Variants in USPL1 observed in about 807,000 individuals in gnomAD.
The protein encoded by USPL1 is ubiquitin specific peptidase like 1.
Under a neutral mutation model 51.5 loss-of-function variants are expected in USPL1, and 27 were observed. The observed-to-expected ratio is 0.52, with a 90% confidence interval of 0.39 to 0.72. The LOEUF (loss-of-function observed/expected upper bound fraction) is 0.72, where lower values mean the gene tolerates loss of function less well. USPL1 is among the 30% of genes least tolerant of loss of function. The pLI is 0.00. For missense variants in USPL1, 1,226 were observed against 1,268.0 expected (o/e 0.97, Z 0.50); for synonymous variants, 451 against 459.6 (o/e 0.98, Z 0.24).
intron 5 of USPL1, among the ~76,000 whole-genome samples, chr13:30,639,828 C>T (rs1443908721): frequency 1.3e-5 from 2 of 152,304 alleles, no homozygotes; most frequent in East Asian, 3.9e-4. Context: ...CTCCCTACTT[C>T]AGTTCCCAGT....
In USPL1 at chr13:30,646,939, A is replaced by G; in HGVS notation, c.1120A>G (p.Lys374Glu). The change falls in exon 7 of 9, where the codon AAG becomes GAG. Residue 374 changes from lysine to glutamate, a missense_variant. Physicochemically the swap from Lys to Glu is moderately conservative, Grantham distance 56. Coordinates refer to ENST00000255304, the MANE Select transcript of USPL1 (RefSeq NM_005800.5). The stretch of plus-strand genomic sequence containing the variant: ...TATGTCATTTTTTTATAGGCATATG[A>G]AGAGTCTGGTCACCTTTACAAATGT... ...CGHQYQNRHM[K>E]SLVTFTNVIP... 1 of 1,612,402 alleles carries G rather than the reference A, an allele frequency of 6.2e-7. No individual in the cohort carries two copies. Among genetic ancestry groups the G allele is most frequent in the Non-Finnish European group, 8.5e-7 (1 of 1,179,326 alleles).
At chr13:30,649,086 A>C (rs940877588) in intron 7 of USPL1, among the ~76,000 whole-genome samples, 5 of 152,354 alleles carry the variant, frequency 3.3e-5, no homozygotes, top group African/African-American at 9.6e-5. Flanking sequence ...CTTCCCTTAA[A>C]GATTCATGCT....
chr13:30,650,810 T>C (rs749463089), intron 7 of USPL1, among the ~76,000 whole-genome samples: 3 of 151,772 alleles, frequency 2.0e-5, no homozygotes, highest in Non-Finnish European at 4.4e-5. Flanking sequence ...GCCAACATGG[T>C]GAAACCCCAT....
chr13:30,659,337 ATC>A lies in USPL1; in HGVS notation c.3262_3263del (p.Leu1088ValfsTer2), dbSNP rs1335859621. The A allele has an allele frequency of 1.3e-5, 20 of 1,595,378 alleles. No homozygotes were observed. The Admixed American group carries it at 3.2e-4, about 26-fold the overall frequency. The stretch of plus-strand genomic sequence containing the variant: ...TTAGACCTACCTCATTTCGATGAAT[ATC>A]TGTTTGAGAATTATTGAATTAATGC... On this transcript the variant is annotated frameshift_variant, in exon 9 of 9. Transcript: ENST00000255304. LOFTEE classifies it high-confidence loss of function.
intron 5 of USPL1, among the ~76,000 whole-genome samples, 174 bp from the exon 6 acceptor site, chr13:30,642,454 A>G (rs1950960315): frequency 1.3e-5 from 2 of 152,212 alleles, no homozygotes; most frequent in Non-Finnish European, 1.5e-5. Context: ...GGACATTTTT[A>G]GAAAAATGCT....
At chr13:30,631,835 C>A (rs192271928) in intron 4 of USPL1, among the ~76,000 whole-genome samples, 294 of 152,246 alleles carry the variant, frequency 1.9e-3, no homozygotes, top group African/African-American at 6.7e-3. Flanking sequence ...GTTTTGTCTC[C>A]CAGCATGTGG....
intron 6 of USPL1, 128 bp downstream of exon 6, chr13:30,642,885 G>A (rs1352419494): frequency 1.2e-5 from 13 of 1,100,092 alleles, no homozygotes; most frequent in Middle Eastern, 2.4e-4. Context: ...AAACCTCATC[G>A]TTTGATAGAC....
intron 6 of USPL1, 83 bp downstream of exon 6, chr13:30,642,840 T>G (rs1950966822): frequency 6.7e-7 from 1 of 1,491,356 alleles, no homozygotes; most frequent in South Asian, 1.3e-5. Flanking sequence ...CACCAGACAC[T>G]ACAGTTTGCT....
intron 3 of USPL1, among the ~76,000 whole-genome samples, chr13:30,629,619 T>C (rs542149008): frequency 6.6e-6 from 1 of 152,354 alleles, no homozygotes; most frequent in South Asian, 2.1e-4. Context: ...TACTAGCTGC[T>C]AGCTGGAAGT....
chr13:30,644,521 C>T (rs189701599), intron 6 of USPL1, among the ~76,000 whole-genome samples: 1 of 151,746 alleles, frequency 6.6e-6, no homozygotes, highest in Admixed American at 6.6e-5. Flanking sequence ...AAATTATGGA[C>T]GAGAAGTTAT....
intron 6 of USPL1, among the ~76,000 whole-genome samples, chr13:30,646,375 A>C (rs893604782): frequency 1.3e-5 from 2 of 152,310 alleles, no homozygotes. Flanking sequence ...TAAGGATTAA[A>C]AAAAGTTAAG....
At chr13:30,641,350 G>T (rs1198737101) in intron 5 of USPL1, among the ~76,000 whole-genome samples, 2 of 152,096 alleles carry the variant, frequency 1.3e-5, no homozygotes, top group African/African-American at 4.8e-5. Flanking sequence ...GGGAGAACTG[G>T]ACCATGGAAG....
intron 6 of USPL1, among the ~76,000 whole-genome samples, chr13:30,644,983 C>T (rs1431401315): frequency 6.6e-6 from 1 of 152,172 alleles, no homozygotes; most frequent in East Asian, 1.9e-4. Context: ...TTTCTCCTCA[C>T]AGTAACTCAG....
At chr13:30,618,472 A>G (rs2137589040) in intron 1 of USPL1, among the ~76,000 whole-genome samples, 1 of 149,174 alleles carries the variant, frequency 6.7e-6, no homozygotes, top group African/African-American at 2.5e-5. Flanking sequence ...CTCGCTTTTG[A>G]CAGTTCACGT....
intron 6 of USPL1, among the ~76,000 whole-genome samples, chr13:30,645,906 A>T (rs2137686621): frequency 6.6e-6 from 1 of 152,346 alleles, no homozygotes; most frequent in East Asian, 1.9e-4. Context: ...AAGTGTTCAG[A>T]AATGTCAGAT....
chr13:30,654,074 CTG>C (rs903017677), intron 8 of USPL1, among the ~76,000 whole-genome samples: 40 of 152,270 alleles, frequency 2.6e-4, no homozygotes, highest in African/African-American at 9.1e-4. Context: ...AGGTTTTACC[CTG>C]TTTCAGATTT....
At chr13:30,650,143 C>T (rs1357379051) in intron 7 of USPL1, among the ~76,000 whole-genome samples, 2 of 151,998 alleles carry the variant, frequency 1.3e-5, no homozygotes, top group Non-Finnish European at 2.9e-5. Flanking sequence ...ATAAGACATG[C>T]TGGAATTGTA....
chr13:30,620,705 C>T (rs1049584017), intron 1 of USPL1, among the ~76,000 whole-genome samples: 1 of 152,088 alleles, frequency 6.6e-6, no homozygotes, highest in African/African-American at 2.4e-5. Flanking sequence ...GGGTTTTTCT[C>T]AGTATAATGC....
At position 30,637,864 on chromosome 13, in the gene USPL1, A is replaced by T; in HGVS notation, c.982+7A>T. On this transcript the variant is annotated splice_region_variant and intron_variant, in intron 5 of 8. Transcript: ENST00000255304. ...CAGCTTAGATGCACATTAGGTAAGT[A>T]ATTGGTAAAACTTACTTGTATTATA... is the stretch of plus-strand genomic sequence containing the variant. 6 of 1,594,722 alleles carry T rather than the reference A, an allele frequency of 3.8e-6. No individual in the cohort carries two copies. Among genetic ancestry groups the T allele is most frequent in the Non-Finnish European group, 5.2e-6 (6 of 1,163,148 alleles).
Sources: allele counts gnomAD v4.1 joint callset (sites outside exome capture counted in the v4.1 genomes callset), GRCh38; gene constraint gnomAD v4.1.1; transcripts MANE v1.5; gene names NCBI Gene and HGNC (gene_info 2026-07-23, HGNC 2026-07-21).